Variants in MYH4 observed in about 807,000 individuals in gnomAD.
MYH4 encodes myosin heavy chain 4.
A neutral mutation model predicts 229.9 loss-of-function variants in MYH4; 200 were observed. That is an observed-to-expected ratio of 0.87 (90% CI 0.78 to 0.98). The LOEUF (loss-of-function observed/expected upper bound fraction) is 0.98, where lower values mean the gene tolerates loss of function less well. MYH4 is among the 50% of genes least tolerant of loss of function. The pLI is 0.00. For missense variants in MYH4, 2,148 were observed against 2,332.6 expected, an observed-to-expected ratio of 0.92 and a Z score of 1.63; for synonymous variants, 761 against 834.6, an observed-to-expected ratio of 0.91 and a Z score of 1.52.
chr17:10,450,804 T>G lies in MYH4; in HGVS notation c.3957A>C (p.Leu1319Phe), dbSNP rs1178151179. The change falls in exon 29 of 40, where the codon TTA (leucine) becomes TTC (phenylalanine). Residue 1319 changes from leucine to phenylalanine, a missense_variant. Leu to Phe is a conservative substitution (Grantham distance 22). Transcript: ENST00000255381. ...TAGTCTCCTCTTCTAGCTGCCTCTTTAATTCTTCAATCTGTTGTGTAAATG... is the reference window on the plus strand; with the variant it reads ...TAGTCTCCTCTTCTAGCTGCCTCTTGAATTCTTCAATCTGTTGTGTAAATG... ...KQAFTQQIEE[L>F]KRQLEEETKA... 1 of 1,614,064 alleles carries G rather than the reference T, an allele frequency of 6.2e-7. No homozygotes were observed. Among genetic ancestry groups the G allele is most frequent in the Admixed American group, 1.7e-5 (1 of 60,024 alleles).
At chr17:10,455,383 T>C in intron 19 of MYH4, 88 bp from the exon 20 acceptor site, 1 of 1,445,156 alleles carries the variant, frequency 6.9e-7, no homozygotes, top group Non-Finnish European at 9.4e-7. Flanking sequence ...GAAAAGATGA[T>C]AGATTAAGTT....
rs750566715 is a variant in MYH4, at chr17:10,450,635, C to T, written c.3999G>A (p.Leu1333=). ...LEEETKAKST[L]AHALQSARHD... The stretch of plus-strand genomic sequence containing the variant: ...GGCGGGCTGACTGCAGGGCATGGGC[C>T]AGAGTGCTCTTGGCCTAGACCAACC... The change falls in exon 30 of 40, where the codon CTG becomes CTA. Residue 1333 remains leucine (L), a synonymous_variant. Transcript: ENST00000255381. 1.2e-6 allele frequency: 2 copies of T among 1,614,132 alleles called. No homozygotes were observed. The highest frequency in any genetic ancestry group is 1.7e-6 in the Non-Finnish European group (2 of 1,179,992).
At chr17:10,464,627 A>G (rs2072742081) in intron 6 of MYH4, 41 bp from the exon 7 acceptor site, 1 of 1,612,876 alleles carries the variant, frequency 6.2e-7, no homozygotes, top group Non-Finnish European at 8.5e-7. Flanking sequence ...AATCTAAGGT[A>G]GTAGTAGCCA....
chr17:10,466,656 C>T lies in MYH4; in HGVS notation c.90G>A (p.Lys30=), dbSNP rs764402892. ...SEKERIEAQN[K]PFDAKTSVFV... is the part of the protein sequence containing the mutation. ...AGACTGATGTCTTGGCATCAAAAGGCTTGTTCTGAGCTTCAATTCGCTCCT... is the reference window on the plus strand; with the variant it reads ...AGACTGATGTCTTGGCATCAAAAGGTTTGTTCTGAGCTTCAATTCGCTCCT... The change falls in exon 3 of 40, where the codon AAG becomes AAA. Residue 30 remains lysine (K), a synonymous_variant. Coordinates refer to ENST00000255381, the MANE Select transcript of MYH4 (RefSeq NM_017533.2). 4 of 1,614,030 alleles carry T rather than the reference C, an allele frequency of 2.5e-6. No homozygotes were observed. The East Asian group carries it at 8.9e-5, about 36-fold the overall frequency.
intron 30 of MYH4, 97 bp downstream of exon 30, chr17:10,450,356 C>G: frequency 1.3e-6 from 2 of 1,585,728 alleles, no homozygotes; most frequent in South Asian, 1.1e-5. Context: ...TGAAGTCTTT[C>G]ATGTGTCCCC....
In MYH4 at chr17:10,451,386, C is replaced by T. The variant is rs373384334; in HGVS notation, c.3805G>A (p.Glu1269Lys). Reference protein sequence around the residue: ...QLSEIKTKEEEQQRLINELSA... With the variant: ...QLSEIKTKEEKQQRLINELSA... ...AACTCATTTATTAAGCGTTGTTGCT[C>T]TTCTTCCTTTGTTTTTATTTCACTA... The change falls in exon 28 of 40, where the codon GAG becomes AAG. Residue 1269 changes from glutamate (E) to lysine (K), a missense_variant. Glu to Lys is a moderately conservative substitution (Grantham distance 56, BLOSUM62 1). Coordinates refer to ENST00000255381, the MANE Select transcript of MYH4 (RefSeq NM_017533.2). 22 of 1,613,888 alleles carry T rather than the reference C, an allele frequency of 1.4e-5. No individual in the cohort carries two copies. In the African/African-American group the frequency reaches 1.7e-4, roughly 13 times the overall value.
In MYH4 at chr17:10,466,730, C is replaced by T. The variant is rs2072772447; in HGVS notation, c.16G>A (p.Glu6Lys). ...GCAGCCTCCCCAAAAATGGCCATCT[C>T]AGAGTCAGAACTCATGGCTGCAGGT... MSSDS[E>K]MAIFGEAAPF... The change falls in exon 3 of 40, where the codon GAG becomes AAG. Residue 6 changes from glutamate (E) to lysine (K), a missense_variant. Physicochemically the swap from Glu to Lys is moderately conservative, Grantham distance 56 (BLOSUM62 1). Transcript: ENST00000255381. 6.2e-7 allele frequency: 1 copy of T among 1,614,096 alleles called. No individual in the cohort carries two copies.
At chr17:10,451,835 G>T (rs1305686724) in intron 27 of MYH4, 106 bp downstream of exon 27, 1 of 1,390,926 alleles carries the variant, frequency 7.2e-7, no homozygotes, top group African/African-American at 1.4e-5. Flanking sequence ...TTAAGCTTCA[G>T]ATGCCATCTA....
Position 10,453,310 on chromosome 17 carries a change from CT to C in MYH4, c.2952del (p.Glu985ArgfsTer12), listed in dbSNP as rs1287788455. Reference protein sequence around the residue: ...ATENKVKNLTEEMAGLDETIA... With the variant: ...ATENKVKNLTXEMAGLDETIA... ...ATGGTTTCATCCAGACCTGCCATCT[CT>C]TCTGTGAGGTTTTTCACCTTTAGAT... On this transcript the variant is annotated frameshift_variant, in exon 24 of 40. Coordinates refer to ENST00000255381, the MANE Select transcript of MYH4 (RefSeq NM_017533.2). LOFTEE classifies it high-confidence loss of function. 1 of 1,613,866 alleles carries C rather than the reference CT, an allele frequency of 6.2e-7. No homozygotes were observed. The highest frequency in any genetic ancestry group is 8.5e-7 in the Non-Finnish European group (1 of 1,180,008).
rs759053415 is a variant in MYH4, at chr17:10,453,643, C to T, written c.2934G>A (p.Lys978=). Reference sequence around the variant, plus strand: ...TTCTAAAATGGATCATGATTTGTACCTTGTTCTCTGTGGCATGTTTCTCCT... The same window carrying T: ...TTCTAAAATGGATCATGATTTGTACTTTGTTCTCTGTGGCATGTTTCTCCT... The part of the protein sequence containing the change: ...VEKEKHATEN[K]VKNLTEEMAG... The change falls in exon 23 of 40, where the codon AAG becomes AAA. Residue 978 remains lysine, a splice_region_variant and synonymous_variant. Coordinates refer to ENST00000255381, the MANE Select transcript of MYH4 (RefSeq NM_017533.2). 2 of 1,613,776 alleles carry T rather than the reference C, an allele frequency of 1.2e-6. No individual in the cohort carries two copies. The highest frequency in any genetic ancestry group is 1.7e-6 in the Non-Finnish European group (2 of 1,179,972).
In MYH4 at chr17:10,455,090, C is replaced by T; in HGVS notation, c.2299-13G>A. The T allele has an allele frequency of 1.2e-6, 2 of 1,614,064 alleles. No individual in the cohort carries two copies. Among genetic ancestry groups the T allele is most frequent in the Non-Finnish European group, 1.7e-6 (2 of 1,179,974 alleles). ...CTTTGAAGAAAACCTTATGAAAGAA[C>T]AAGTTAAATATGTTATTTCCACTTA... is the stretch of plus-strand genomic sequence containing the variant. On this transcript the variant is annotated splice_polypyrimidine_tract_variant and intron_variant, in intron 20 of 39. Coordinates refer to ENST00000255381, the MANE Select transcript of MYH4 (RefSeq NM_017533.2).
chr17:10,456,172 CA>C (rs1193517306), intron 17 of MYH4, among the ~76,000 whole-genome samples: 1 of 152,158 alleles, frequency 6.6e-6, no homozygotes, highest in Non-Finnish European at 1.5e-5. Flanking sequence ...TAATTGAATA[CA>C]GTGGTTATTT....
chr17:10,462,383 T>C (rs1466932416), intron 11 of MYH4, among the ~76,000 whole-genome samples: 1 of 152,166 alleles, frequency 6.6e-6, no homozygotes, highest in Non-Finnish European at 1.5e-5. Context: ...AACCCACTTC[T>C]TCTAATGCTG....
At chr17:10,448,217 C>T (rs1597415182) in intron 33 of MYH4, 91 bp from the exon 34 acceptor site, 4 of 1,370,674 alleles carry the variant, frequency 2.9e-6, no homozygotes, top group Middle Eastern at 2.4e-4. Flanking sequence ...ATTAAAAAAC[C>T]CATAAACTAT....
rs1006950990 is a variant in MYH4 at position 10,468,362 on chromosome 17, A to T, written c.-40+926T>A. Among the ~76,000 whole-genome samples, 28 of 152,296 alleles carry T rather than the reference A, an allele frequency of 1.8e-4. 1 individual carries two copies. The highest frequency in any genetic ancestry group is 6.0e-4 in the African/African-American group (25 of 41,554). On this transcript the variant is annotated intron_variant, in intron 2 of 39. Transcript: ENST00000255381. ...GGGGATCAAGCCCCAATAGAGCCTC[A>T]GGTTGTTGCAGGGGGTTCTTGAATC...
Position 10,460,090 on chromosome 17 carries a change from T to G in MYH4, c.1278A>C (p.Ala426=). ...AGATGGCTTTGGCCAGAGCACCCAC[T>G]GCATTGTACACCTTCAACAGAAGTG... ...KGQTVQQVYN[A]VGALAKAIYE... is the part of the protein sequence containing the mutation. Residue 426 remains alanine, a synonymous_variant, in exon 14 of 40, where the codon GCA becomes GCC. Transcript: ENST00000255381. 1 of 1,614,194 alleles carries G rather than the reference T, an allele frequency of 6.2e-7. No individual in the cohort carries two copies. Among genetic ancestry groups the G allele is most frequent in the Non-Finnish European group, 8.5e-7 (1 of 1,180,040 alleles).
At chr17:10,449,311 C>G (rs2072547227) in intron 30 of MYH4, among the ~76,000 whole-genome samples, 1 of 152,180 alleles carries the variant, frequency 6.6e-6, no homozygotes, top group Non-Finnish European at 1.5e-5. Flanking sequence ...TAAGTTAGCA[C>G]TAGAGCTGAG....
chr17:10,444,546 GCC>G (rs1351044459), intron 39 of MYH4, 56 bp downstream of exon 39: 3 of 1,325,424 alleles, frequency 2.3e-6, no homozygotes, highest in Admixed American at 1.9e-5. Flanking sequence ...TAAACTTTAG[GCC>G]CCAAAAAACC....
intron 11 of MYH4, among the ~76,000 whole-genome samples, chr17:10,462,217 G>A (rs2142228729): frequency 6.6e-6 from 1 of 152,200 alleles, no homozygotes; most frequent in South Asian, 2.1e-4. Flanking sequence ...GAAATCAAAA[G>A]AAAGCATGAA....
Sources: allele counts gnomAD v4.1 joint callset (sites outside exome capture counted in the v4.1 genomes callset), GRCh38; gene constraint gnomAD v4.1.1; transcripts MANE v1.5; gene names NCBI Gene and HGNC (gene_info 2026-07-23, HGNC 2026-07-21).